Variants in CHD9 observed in about 807,000 individuals in gnomAD.
The protein encoded by CHD9 is ATP-dependent chromatin remodeler CHD9.
CHD9 carries 77 observed loss-of-function variants against 316.1 expected under a neutral mutation model. The ratio of observed to expected loss-of-function variants is 0.24; its 90% CI spans 0.20 to 0.29. The LOEUF (loss-of-function observed/expected upper bound fraction) is 0.29, where lower values mean the gene tolerates loss of function less well. Among genes scored for constraint, CHD9 ranks in the 10% least tolerant of loss-of-function variants. The pLI, the probability that CHD9 is intolerant of heterozygous loss-of-function variation, is 1.00. For synonymous variants in CHD9, 1,129 were observed against 1,158.3 expected (o/e 0.97, Z 0.51); for missense variants, 2,763 against 3,438.1 (o/e 0.80, Z 4.91).
intron 1 of CHD9, among the ~76,000 whole-genome samples, chr16:53,115,362 C>T: frequency 6.6e-6 from 1 of 152,218 alleles, no homozygotes; most frequent in East Asian, 1.9e-4. Flanking sequence ...AAACGTAATG[C>T]TTCCATACTG....
At chr16:53,269,081 A>G (rs2051966929) in intron 22 of CHD9, among the ~76,000 whole-genome samples, 1 of 152,092 alleles carries the variant, frequency 6.6e-6, no homozygotes, top group Admixed American at 6.5e-5. Flanking sequence ...TGCTGGGATC[A>G]CAGACATGAG....
chr16:53,288,142 G>C, intron 27 of CHD9, 128 bp downstream of exon 27: 1 of 681,684 alleles, frequency 1.5e-6, no homozygotes, highest in South Asian at 1.8e-5. Context: ...GATTAGCTAA[G>C]TAAGTGATCA....
At chr16:53,215,205 C>G (rs1051227672) in intron 3 of CHD9, among the ~76,000 whole-genome samples, 1 of 152,196 alleles carries the variant, frequency 6.6e-6, no homozygotes, top group African/African-American at 2.4e-5. Flanking sequence ...CATAAGCCAC[C>G]GTGCCCGGCC....
intron 17 of CHD9, chr16:53,250,512 C>G (rs1322290317): frequency 6.6e-6 from 1 of 152,476 alleles, no homozygotes; most frequent in African/African-American, 2.4e-5. Context: ...TGAGAGAGAC[C>G]TAAGCTTTAA....
At chr16:53,086,281 G>A (rs1018753095) in intron 1 of CHD9, among the ~76,000 whole-genome samples, 1 of 152,156 alleles carries the variant, frequency 6.6e-6, no homozygotes, top group Admixed American at 6.5e-5. Context: ...CTACCAAGAG[G>A]CACATGAAAT....
chr16:53,090,786 G>C (rs966495140), intron 1 of CHD9, among the ~76,000 whole-genome samples: 5 of 152,158 alleles, frequency 3.3e-5, no homozygotes, highest in Non-Finnish European at 7.4e-5. Flanking sequence ...TGGGGGCAGG[G>C]GGGTGGCAGA....
intron 11 of CHD9, among the ~76,000 whole-genome samples, chr16:53,236,309 G>A (rs993017269): frequency 2.0e-5 from 3 of 151,930 alleles, no homozygotes; most frequent in Non-Finnish European, 2.9e-5. Context: ...AGAGAAACCC[G>A]GGGATGGTAG....
chr16:53,235,350 G>A (rs1434258462), intron 11 of CHD9, 44 bp downstream of exon 11: 1 of 1,318,544 alleles, frequency 7.6e-7, no homozygotes, highest in South Asian at 1.4e-5. Context: ...TTTTTAATGT[G>A]TGCCAAAATG....
chr16:53,264,463 T>C (rs1434763645), intron 20 of CHD9, among the ~76,000 whole-genome samples: 2 of 152,164 alleles, frequency 1.3e-5, no homozygotes. Context: ...GACATTCTTA[T>C]GTACCATGTA....
intron 1 of CHD9, among the ~76,000 whole-genome samples, chr16:53,096,309 G>T (rs993626292): frequency 6.6e-6 from 1 of 151,980 alleles, no homozygotes; most frequent in Non-Finnish European, 1.5e-5. Flanking sequence ...ACTTTGGGTC[G>T]CCAATACCCA....
chr16:53,096,391 C>T (rs2036382582), intron 1 of CHD9, among the ~76,000 whole-genome samples: 2 of 152,192 alleles, frequency 1.3e-5, no homozygotes, highest in African/African-American at 2.4e-5. Context: ...AAAATAATTG[C>T]GATTTTTGCC....
chr16:53,077,911 T>C (rs1354056791), intron 1 of CHD9, among the ~76,000 whole-genome samples: 1 of 152,044 alleles, frequency 6.6e-6, no homozygotes, highest in Non-Finnish European at 1.5e-5. Context: ...CCGTCTCTAC[T>C]AAAAATACAA....
chr16:53,151,325 C>T (rs2041100147), intron 1 of CHD9, among the ~76,000 whole-genome samples: 1 of 150,624 alleles, frequency 6.6e-6, no homozygotes, highest in Non-Finnish European at 1.5e-5. Flanking sequence ...GATATCAGCT[C>T]ACTGCAAACT....
chr16:53,093,682 G>C lies in CHD9; in HGVS notation c.-165+38605G>C, dbSNP rs78672051. 6.6e-5 allele frequency among the ~76,000 whole-genome samples: 10 copies of C among 152,222 alleles called. No individual in the cohort carries two copies. In the South Asian group the frequency reaches 2.1e-3, roughly 32 times the overall value. On this transcript the variant is annotated intron_variant, in intron 1 of 38. Transcript: ENST00000447540. Reference sequence around the variant, plus strand: ...TAATGCCTTTCAATCAGGCAAAGGCGGTATGATTGTCCGCATTGTACAGAT... The same window carrying C: ...TAATGCCTTTCAATCAGGCAAAGGCCGTATGATTGTCCGCATTGTACAGAT...
intron 34 of CHD9, among the ~76,000 whole-genome samples, chr16:53,313,695 A>G (rs910772197): frequency 7.1e-6 from 1 of 139,864 alleles, no homozygotes; most frequent in African/African-American, 2.7e-5. Flanking sequence ...CTGTAATCCT[A>G]GCACTTTGGG....
intron 1 of CHD9, among the ~76,000 whole-genome samples, chr16:53,122,469 A>G (rs2038782464): frequency 1.3e-5 from 2 of 152,064 alleles, no homozygotes; most frequent in African/African-American, 4.8e-5. Context: ...CAACGTGTTC[A>G]TATGTTAGAT....
intron 22 of CHD9, among the ~76,000 whole-genome samples, chr16:53,273,006 T>C (rs1248405495): frequency 2.6e-5 from 4 of 152,038 alleles, no homozygotes; most frequent in African/African-American, 9.7e-5. Flanking sequence ...GGAGAATCAC[T>C]TGAACCCAGA....
In CHD9 at chr16:53,227,598, G is replaced by T; in HGVS notation, c.2163G>T (p.Lys721Asn). 1 of 1,158,658 alleles carries T rather than the reference G, an allele frequency of 8.6e-7. No homozygotes were observed. Among genetic ancestry groups the T allele is most frequent in the South Asian group, 1.7e-5 (1 of 57,666 alleles). 71.8% of individuals were successfully genotyped at this position (1,158,658 alleles called of 1,614,324 possible). A position where few individuals can be genotyped will look rare whatever the true frequency, so the allele number is the denominator to read the frequency against. ...CAGAAGAATTTTTTGTAAAATACAA[G>T]AATTAGTAAGTATTTGAGTTAGAAA... is the stretch of plus-strand genomic sequence containing the variant. Reference protein sequence around the residue: ...IDTEEFFVKYKNYSYLHCEWA... With the variant: ...IDTEEFFVKYNNYSYLHCEWA... The change falls in exon 7 of 39, where the codon AAG becomes AAT. Residue 721 changes from lysine (K) to asparagine (N), a missense_variant. Physicochemically the swap from Lys to Asn is moderately conservative, Grantham distance 94 (BLOSUM62 0). Coordinates refer to ENST00000447540, the MANE Select transcript of CHD9 (RefSeq NM_001308319.2).
Position 53,209,625 on chromosome 16 carries a change from G to A in CHD9, c.1596G>A (p.Glu532=). ...AAAAGGCTAATCGTATAATATCAGA[G>A]GCCATAGCAAAAGCAAAGGAGCGTG... ...KQEKANRIIS[E]AIAKAKERGE... Residue 532 remains glutamate (E), a synonymous_variant, in exon 3 of 39, where the codon GAG becomes GAA. Transcript: ENST00000447540. 1.2e-6 allele frequency: 2 copies of A among 1,613,840 alleles called. No individual in the cohort carries two copies. The highest frequency in any genetic ancestry group is 1.7e-6 in the Non-Finnish European group (2 of 1,179,828).
Sources: allele counts gnomAD v4.1 joint callset (sites outside exome capture counted in the v4.1 genomes callset), GRCh38; gene constraint gnomAD v4.1.1; transcripts MANE v1.5; gene names NCBI Gene and HGNC (gene_info 2026-07-23, HGNC 2026-07-21).